The following CPAMD8 variants were observed in gnomAD, a reference collection of about 807,000 sequenced individuals.
CPAMD8 encodes C3 and PZP-like alpha-2-macroglobulin domain-containing protein 8.
A neutral mutation model predicts 224.7 loss-of-function variants in CPAMD8; 146 were observed. The observed-to-expected ratio is 0.65, with a 90% CI of 0.57 to 0.75. CPAMD8 has a LOEUF of 0.75. Among genes scored for constraint, CPAMD8 ranks in the 30% least tolerant of loss-of-function variants. The pLI is 0.00. For synonymous variants in CPAMD8, 966 were observed against 1,044.6 expected (o/e 0.92, Z 1.45); for missense variants, 2,301 against 2,537.5 (o/e 0.91, Z 2.00).
rs1436584313 is a variant in CPAMD8, at chr19:16,899,481, A to C, written c.4842T>G (p.Phe1614Leu). ...EVAGRRVLFY[F>L]DEIPSRCLTC... is the part of the protein sequence containing the mutation. ...CAACCCCGGCTGGTGGTACCTCATC[A>C]AAGTAGAAGAGCACTCGGCGTCCAG... The change falls in exon 37 of 42, where the codon TTT becomes TTG. Residue 1614 changes from phenylalanine (F) to leucine (L), a missense_variant. Physicochemically the swap from Phe to Leu is conservative, Grantham distance 22. Coordinates refer to ENST00000443236, the MANE Select transcript of CPAMD8 (RefSeq NM_015692.5). The surrounding 1 kb of genome is among the most constrained non-coding windows in gnomAD (Gnocchi z 5.4). 1.3e-6 allele frequency: 2 copies of C among 1,519,022 alleles called. No individual in the cohort carries two copies. The highest frequency in any genetic ancestry group is 2.7e-5 in the African/African-American group (2 of 73,040). 94.1% of individuals were successfully genotyped at this position (1,519,022 alleles called of 1,614,324 possible). A position where few individuals can be genotyped will look rare whatever the true frequency, so the allele number is the denominator to read the frequency against.
intron 5 of CPAMD8, among the ~76,000 whole-genome samples, 181 bp downstream of exon 5, chr19:17,011,283 G>C (rs929528969): frequency 6.6e-6 from 1 of 152,108 alleles, no homozygotes; most frequent in Non-Finnish European, 1.5e-5. Flanking sequence ...GGCCAGGCAC[G>C]CCCACCAGCC....
intron 23 of CPAMD8, among the ~76,000 whole-genome samples, chr19:16,930,353 G>A (rs1048671517): frequency 6.6e-6 from 1 of 152,142 alleles, no homozygotes; most frequent in African/African-American, 2.4e-5. Flanking sequence ...AATGTGATAT[G>A]AGTATCAGGA....
Position 16,976,009 on chromosome 19 carries a change from G to A in CPAMD8, c.1901C>T (p.Pro634Leu). 1.3e-6 allele frequency: 2 copies of A among 1,594,492 alleles called. No individual in the cohort carries two copies. The highest frequency in any genetic ancestry group is 1.7e-6 in the Non-Finnish European group (2 of 1,169,574). ...CCCGAGGGGTCTGCTCACCTGGGCAGGAGTCAGCCGGAACCCAGACCTGAG... is the reference window on the plus strand; with the variant it reads ...CCCGAGGGGTCTGCTCACCTGGGCAAGAGTCAGCCGGAACCCAGACCTGAG... ...YLLRSGFRLT[P>L]AQVFQELEDY... Residue 634 changes from proline (P) to leucine (L), a missense_variant, in exon 16 of 42, where the codon CCT becomes CTT. By Grantham distance (98) the Pro-to-Leu change is moderately conservative. Coordinates refer to ENST00000443236, the MANE Select transcript of CPAMD8 (RefSeq NM_015692.5).
intron 19 of CPAMD8, among the ~76,000 whole-genome samples, chr19:16,956,996 A>G (rs971504036): frequency 5.3e-5 from 8 of 152,182 alleles, no homozygotes; most frequent in African/African-American, 1.9e-4. Flanking sequence ...AAATTTTTTA[A>G]CAATAAAAAA....
intron 23 of CPAMD8, among the ~76,000 whole-genome samples, chr19:16,930,434 G>A (rs773037846): frequency 2.3e-4 from 30 of 129,200 alleles, no homozygotes; most frequent in Non-Finnish European, 3.6e-4. Flanking sequence ...CCTCCTTGAC[G>A]AACAAAAATA....
intron 34 of CPAMD8, among the ~76,000 whole-genome samples, chr19:16,903,082 C>T (rs561212246): frequency 1.8e-4 from 27 of 152,234 alleles, no homozygotes; most frequent in African/African-American, 6.0e-4. Flanking sequence ...ATCTGGGGTG[C>T]AGAGCTGTGC....
Position 16,902,782 on chromosome 19 carries a change from G to A in CPAMD8, c.4552C>T (p.Gln1518Ter). The stretch of plus-strand genomic sequence containing the variant: ...GCAGGCATGGGGGGCGGGCGTCCCT[G>A]GGCCTCAGGCTCCTGGAGGCTTACG... ...LLVSLQEPEA[Q>*]GRPPPMPASA... Residue 1518 changes from glutamine to a stop codon, truncating the protein, a stop_gained, in exon 35 of 42, where the codon CAG becomes TAG. Coordinates refer to ENST00000443236, the MANE Select transcript of CPAMD8 (RefSeq NM_015692.5). LOFTEE classifies it high-confidence loss of function. 1 of 1,590,686 alleles carries A rather than the reference G, an allele frequency of 6.3e-7. No homozygotes were observed. Among genetic ancestry groups the A allele is most frequent in the Non-Finnish European group, 8.6e-7 (1 of 1,164,646 alleles).
chr19:17,007,374 G>A (rs764867507), intron 7 of CPAMD8, among the ~76,000 whole-genome samples: 5 of 151,142 alleles, frequency 3.3e-5, no homozygotes, highest in Non-Finnish European at 5.9e-5. Flanking sequence ...GGAGAAGGAG[G>A]AAGAAGAAGA....
chr19:16,994,838 T>G (rs1410186425), intron 11 of CPAMD8, among the ~76,000 whole-genome samples: 1 of 152,172 alleles, frequency 6.6e-6, no homozygotes, highest in Non-Finnish European at 1.5e-5. Context: ...AGACTGGATC[T>G]CACTATGTTG....
chr19:17,019,172 G>A (rs924447617), intron 3 of CPAMD8, among the ~76,000 whole-genome samples: 1 of 152,156 alleles, frequency 6.6e-6, no homozygotes, highest in African/African-American at 2.4e-5. Flanking sequence ...TGCCCAGGCT[G>A]GAGTGAAGTG....
Position 16,938,416 on chromosome 19 carries a change from T to C in CPAMD8, c.2824A>G (p.Ser942Gly), listed in dbSNP as rs1259157181. ...AEGVPRAYTY[S>G]AFFCPSERVH... is the part of the protein sequence containing the mutation. ...TCACCACTGGGACAGAAGAATGCGC[T>C]GTAGGTGTACGCCCGGGGGACTCCT... Residue 942 changes from serine to glycine, a missense_variant, in exon 23 of 42, where the codon AGC (serine) becomes GGC (glycine). Transcript: ENST00000443236. The C allele has an allele frequency of 6.3e-7, 1 of 1,575,202 alleles. No homozygotes were observed. The highest frequency in any genetic ancestry group is 8.6e-7 in the Non-Finnish European group (1 of 1,163,598).
intron 3 of CPAMD8, among the ~76,000 whole-genome samples, chr19:17,012,030 T>C (rs1158788027): frequency 6.6e-6 from 1 of 152,028 alleles, no homozygotes; most frequent in Non-Finnish European, 1.5e-5. Flanking sequence ...CCAAATATCT[T>C]TTTTTTTGGA....
At chr19:17,013,396 A>T (rs1027603452) in intron 3 of CPAMD8, 7 of 151,922 alleles carry the variant, frequency 4.6e-5, no homozygotes, top group African/African-American at 7.3e-5. Flanking sequence ...CTGTAGTTCC[A>T]GCTACTCTGG....
chr19:16,924,805 A>T (rs1270153215), intron 26 of CPAMD8, among the ~76,000 whole-genome samples: 1 of 151,874 alleles, frequency 6.6e-6, no homozygotes, highest in Non-Finnish European at 1.5e-5. Flanking sequence ...GGCTTGTCTC[A>T]AACTCCTGGG....
Position 16,903,586 on chromosome 19 carries a change from T to G in CPAMD8, c.4445A>C (p.Lys1482Thr). 6.2e-7 allele frequency: 1 copy of G among 1,614,020 alleles called. No individual in the cohort carries two copies. The highest frequency in any genetic ancestry group is 8.5e-7 in the Non-Finnish European group (1 of 1,179,986). The change falls in exon 34 of 42, where the codon AAG (lysine) becomes ACG (threonine). Residue 1482 changes from lysine to threonine, a missense_variant. Physicochemically the swap from Lys to Thr is moderately conservative, Grantham distance 78 (BLOSUM62 -1). This residue lies in a region of CPAMD8 where 1,709 missense variants were observed against 1,753.2 expected (regional missense o/e 0.97). Transcript: ENST00000443236. The stretch of plus-strand genomic sequence containing the variant: ...CTGCATCAGGCAGCAGCCGTCCCCC[T>G]TGGCACTCACAAACAGCCCCGTGGG... Reference protein sequence around the residue: ...SLPTGLFVSAKGDGCCLMQID... With the variant: ...SLPTGLFVSATGDGCCLMQID...
chr19:16,914,213 C>T (rs1053389026), intron 29 of CPAMD8, among the ~76,000 whole-genome samples: 1 of 152,112 alleles, frequency 6.6e-6, no homozygotes, highest in Non-Finnish European at 1.5e-5. Flanking sequence ...CCAATTTCCC[C>T]CTAGTAGCAT....
intron 13 of CPAMD8, among the ~76,000 whole-genome samples, chr19:16,984,729 G>A (rs998574676): frequency 1.1e-4 from 17 of 152,176 alleles, no homozygotes; most frequent in Non-Finnish European, 1.0e-4. Flanking sequence ...CAGTAGTGGG[G>A]CTGGGTGTGG....
In CPAMD8 at chr19:16,899,679, G is replaced by A; in HGVS notation, c.4774-130C>T. On this transcript the variant is annotated intron_variant, in intron 36 of 41. Coordinates refer to ENST00000443236, the MANE Select transcript of CPAMD8 (RefSeq NM_015692.5). This position sits in a 1 kb window ranked among gnomAD's most constrained non-coding sequence, Gnocchi z 5.4. ...ACCATGGGCTGGGGTCTGGGTGCTGGTCAGTGCTCCCCAGGCCCTGCCAGC... is the reference window on the plus strand; with the variant it reads ...ACCATGGGCTGGGGTCTGGGTGCTGATCAGTGCTCCCCAGGCCCTGCCAGC... The A allele has an allele frequency of 1.6e-6, 1 of 644,136 alleles. No homozygotes were observed. The highest frequency in any genetic ancestry group is 1.6e-5 in the South Asian group (1 of 61,556). The allele number at this position is 644,136 out of a possible 1,614,324, so 39.9% of individuals were successfully genotyped here.
intron 8 of CPAMD8, 27 bp from the exon 9 acceptor site, chr19:17,002,377 G>A: frequency 6.5e-7 from 1 of 1,538,616 alleles, no homozygotes; most frequent in Non-Finnish European, 8.9e-7. Flanking sequence ...GAGAGGAGGG[G>A]CTGGCTTCTG....
Sources: allele counts gnomAD v4.1 joint callset (sites outside exome capture counted in the v4.1 genomes callset), GRCh38; gene constraint gnomAD v4.1.1; regional missense constraint gnomAD v4.1.1; non-coding constraint Gnocchi (gnomAD v3.1); transcripts MANE v1.5; gene names NCBI Gene and HGNC (gene_info 2026-07-23, HGNC 2026-07-21).